Variants in FHIT observed in about 807,000 individuals in gnomAD.
The protein encoded by FHIT is fragile histidine triad diadenosine triphosphatase.
Under a neutral mutation model 17.9 loss-of-function variants are expected in FHIT, and 19 were observed. The ratio of observed to expected loss-of-function variants is 1.06; its 90% confidence interval spans 0.74 to 1.56. FHIT has a LOEUF of 1.56. FHIT is among the 40% of genes most tolerant of loss of function. FHIT has a pLI of 0.00. For synonymous variants in FHIT, 81 were observed against 69.7 expected (o/e 1.16, Z -0.81); for missense variants, 248 against 189.2 (o/e 1.31, Z -1.82).
intron 5 of FHIT, among the ~76,000 whole-genome samples, chr3:60,505,202 G>A (rs1228596329): frequency 1.3e-5 from 2 of 152,058 alleles, no homozygotes; most frequent in African/African-American, 4.8e-5. Context: ...GCTAAACCAG[G>A]TCATCTACCT....
chr3:59,853,170 T>C (rs906012773), intron 8 of FHIT, among the ~76,000 whole-genome samples: 1 of 152,220 alleles, frequency 6.6e-6, no homozygotes, highest in African/African-American at 2.4e-5. Context: ...TTGCTTCACA[T>C]CCTCTCTAGC....
At chr3:60,798,458 A>G (rs982722140) in intron 4 of FHIT, among the ~76,000 whole-genome samples, 7 of 152,242 alleles carry the variant, frequency 4.6e-5, no homozygotes, top group African/African-American at 1.4e-4. Context: ...GGCTTCACCT[A>G]TACATTTAGA....
At chr3:60,317,981 G>C (rs923531149) in intron 5 of FHIT, among the ~76,000 whole-genome samples, 1 of 151,772 alleles carries the variant, frequency 6.6e-6, no homozygotes, top group African/African-American at 2.4e-5. Flanking sequence ...TGGTAGAAAC[G>C]GGGTTTTGCC....
At chr3:60,893,149 A>G (rs1467084995) in intron 3 of FHIT, among the ~76,000 whole-genome samples, 1 of 152,174 alleles carries the variant, frequency 6.6e-6, no homozygotes, top group Non-Finnish European at 1.5e-5. Flanking sequence ...AAACCCAGAG[A>G]AAAGGAGCAT....
At chr3:59,929,372 T>TG (rs1308514985) in intron 7 of FHIT, among the ~76,000 whole-genome samples, 3 of 135,034 alleles carry the variant, frequency 2.2e-5, no homozygotes, top group Non-Finnish European at 4.8e-5. Flanking sequence ...GGTTTTTTTT[T>TG]TTTTTTTTTT....
At chr3:60,525,042 C>G (rs1057434519) in intron 5 of FHIT, among the ~76,000 whole-genome samples, 3 of 152,112 alleles carry the variant, frequency 2.0e-5, no homozygotes, top group Admixed American at 6.5e-5. Context: ...AAGTAGGAAC[C>G]TTGTCAATCA....
At chr3:60,407,382 T>C (rs920801864) in intron 5 of FHIT, among the ~76,000 whole-genome samples, 20 of 152,182 alleles carry the variant, frequency 1.3e-4, no homozygotes, top group Admixed American at 1.1e-3. Flanking sequence ...AGATAAGTAA[T>C]TGAATCTTTT....
intron 5 of FHIT, among the ~76,000 whole-genome samples, chr3:60,531,577 C>G (rs1036253751): frequency 6.6e-6 from 1 of 152,076 alleles, no homozygotes. Context: ...CGCGCCCGGC[C>G]GAAAAGAAAC....
intron 5 of FHIT, among the ~76,000 whole-genome samples, chr3:60,101,920 G>T (rs1046250832): frequency 1.3e-5 from 2 of 152,128 alleles, no homozygotes; most frequent in African/African-American, 2.4e-5. Context: ...GTTGCCTCTC[G>T]CTAGGATGTC....
intron 4 of FHIT, among the ~76,000 whole-genome samples, chr3:60,587,532 CAAAAAGA>C (rs2037946022): frequency 6.6e-6 from 1 of 151,394 alleles, no homozygotes; most frequent in Non-Finnish European, 1.5e-5. Context: ...AAAAAAAACT[CAAAAAGA>C]GAAAAAAGTA....
rs539688303 is a variant in FHIT, at chr3:60,435,009, T to C, written c.103+101851A>G. 1.1e-3 allele frequency among the ~76,000 whole-genome samples: 167 copies of C among 152,256 alleles called. 3 individuals carry two copies. Among genetic ancestry groups the C allele is most frequent in the African/African-American group, 3.7e-3 (153 of 41,564 alleles). ...CTTTTTTGGTTTATTTTACATTGTC[T>C]CCAAACAAATAAATCTAAAGTTAAA... On this transcript the variant is annotated intron_variant, in intron 5 of 9. Transcript: ENST00000492590.
intron 5 of FHIT, among the ~76,000 whole-genome samples, chr3:60,263,679 G>A (rs1014935087): frequency 2.0e-5 from 3 of 151,872 alleles, no homozygotes; most frequent in Non-Finnish European, 4.4e-5. Context: ...GTAGAGAGGA[G>A]GTGGAATGCA....
chr3:61,147,257 C>T (rs1011014870), intron 2 of FHIT, among the ~76,000 whole-genome samples: 7 of 151,976 alleles, frequency 4.6e-5, no homozygotes, highest in African/African-American at 1.7e-4. Context: ...CAAAACAAAA[C>T]AGATTTTTAA....
chr3:60,029,883 G>GTGTGTGTGTGTC (rs1458648834), intron 5 of FHIT, among the ~76,000 whole-genome samples: 28 of 101,796 alleles, frequency 2.8e-4, no homozygotes, highest in Admixed American at 1.8e-3. Context: ...GAAGCATTGT[G>GTGTGTGTGTGTC]TGTGTGTGTG....
intron 4 of FHIT, among the ~76,000 whole-genome samples, chr3:60,801,364 A>G (rs1341028623): frequency 6.6e-6 from 1 of 152,244 alleles, no homozygotes; most frequent in Non-Finnish European, 1.5e-5. Flanking sequence ...CCTGGTTTCC[A>G]CAGCGACAGC....
chr3:60,557,071 T>G (rs944873700), intron 4 of FHIT, among the ~76,000 whole-genome samples: 1 of 152,252 alleles, frequency 6.6e-6, no homozygotes, highest in Admixed American at 6.5e-5. Flanking sequence ...CTAATATTCC[T>G]GTAGCCCTTG....
chr3:60,981,295 C>CTTTTTTT (rs71100934), intron 3 of FHIT, among the ~76,000 whole-genome samples: 9 of 124,500 alleles, frequency 7.2e-5, no homozygotes, highest in African/African-American at 9.3e-5. Context: ...TTCTTCCTTC[C>CTTTTTTT]TTTTTTTTTT....
At chr3:60,306,923 C>T (rs1037529273) in intron 5 of FHIT, among the ~76,000 whole-genome samples, 1 of 152,020 alleles carries the variant, frequency 6.6e-6, no homozygotes, top group Non-Finnish European at 1.5e-5. Context: ...TTCATCTTAG[C>T]CACAGTAATA....
At chr3:60,036,923 G>C (rs1468692883) in intron 5 of FHIT, among the ~76,000 whole-genome samples, 1 of 152,212 alleles carries the variant, frequency 6.6e-6, no homozygotes, top group Non-Finnish European at 1.5e-5. Flanking sequence ...TATCAGTGTA[G>C]TCTTCACCAC....
Sources: gnomAD v4.1 joint callset for allele counts (sites outside exome capture counted in the v4.1 genomes callset) on GRCh38, gnomAD v4.1.1 for gene constraint, MANE v1.5 for transcripts, NCBI Gene and HGNC (gene_info 2026-07-23, HGNC 2026-07-21) for gene names.